The following GLI3 variants were observed in gnomAD, a reference collection of about 807,000 sequenced individuals.
GLI3 encodes GLI family zinc finger 3.
In GLI3, 20 loss-of-function variants were observed where a neutral mutation model predicts 100.8. That is an observed-to-expected ratio of 0.20 (90% confidence interval 0.14 to 0.29). The LOEUF is 0.29. Ranked by LOEUF, GLI3 falls within the 10% of genes least tolerant of loss-of-function variation. The pLI, the probability that GLI3 is intolerant of heterozygous loss-of-function variation, is 1.00. For synonymous variants in GLI3, 938 were observed against 860.5 expected (o/e 1.09, Z -1.58); for missense variants, 2,040 against 2,128.5 (o/e 0.96, Z 0.82).
intron 2 of GLI3, among the ~76,000 whole-genome samples, chr7:42,157,251 GA>G (rs1237474915): frequency 6.6e-6 from 1 of 152,182 alleles, no homozygotes; most frequent in Non-Finnish European, 1.5e-5. Context: ...GTGCATTTGA[GA>G]AACCCAAATG....
intron 3 of GLI3, among the ~76,000 whole-genome samples, chr7:42,140,411 AT>A (rs1786539113): frequency 6.6e-6 from 1 of 152,232 alleles, no homozygotes; most frequent in African/African-American, 2.4e-5. Flanking sequence ...ATCTTGCTTT[AT>A]TTTGATCTAA....
intron 13 of GLI3, among the ~76,000 whole-genome samples, chr7:41,970,829 G>T (rs76335874): frequency 0.035 from 5,306 of 152,210 alleles, 108 homozygotes; most frequent in Non-Finnish European, 0.053. Flanking sequence ...TGTTAAACAC[G>T]TGAGGATAAA....
chr7:41,978,923 G>A (rs1443980873), intron 10 of GLI3, among the ~76,000 whole-genome samples, 175 bp from the exon 11 acceptor site: 5 of 152,208 alleles, frequency 3.3e-5, no homozygotes, highest in Admixed American at 1.3e-4. Context: ...AAGTAAATTT[G>A]CTTTTGCTAA....
chr7:42,158,320 G>T (rs1787051671), intron 2 of GLI3, among the ~76,000 whole-genome samples: 1 of 151,940 alleles, frequency 6.6e-6, no homozygotes, highest in Admixed American at 6.6e-5. Context: ...ACGTCCTGAG[G>T]TTTAACAAAG....
At chr7:42,072,695 A>G (rs1178214878) in intron 4 of GLI3, among the ~76,000 whole-genome samples, 1 of 152,212 alleles carries the variant, frequency 6.6e-6, no homozygotes, top group Non-Finnish European at 1.5e-5. Context: ...GAGTTAGGGA[A>G]GGAACAGCCC....
chr7:42,005,458 TACACACACACACACACAC>T (rs3030321), intron 10 of GLI3, among the ~76,000 whole-genome samples: 2 of 143,516 alleles, frequency 1.4e-5, no homozygotes, highest in South Asian at 2.3e-4. Flanking sequence ...TGAATTCACA[TACACACACACACACACAC>T]ACACACACAC....
chr7:42,206,641 G>A (rs1432142156), intron 2 of GLI3, among the ~76,000 whole-genome samples: 2 of 152,130 alleles, frequency 1.3e-5, no homozygotes, highest in African/African-American at 4.8e-5. Flanking sequence ...TAGAAGCCAA[G>A]AGCCATTTGA....
Position 41,972,436 on chromosome 7 carries a change from C to T in GLI3, c.2004G>A (p.Pro668=), listed in dbSNP as rs867192725. 28 of 1,613,520 alleles carry T rather than the reference C, an allele frequency of 1.7e-5. No individual in the cohort carries two copies. The highest frequency in any genetic ancestry group is 8.9e-5 in the East Asian group (4 of 44,820). The stretch of plus-strand genomic sequence containing the variant: ...GCTGCTCACCAAGGGCTCCCTGAGT[C>T]GGTCGGCCAGGCGACCTGGACTGTG... ...SHSQSRSPGR[P]TQGALGEQQD... The change falls in exon 13 of 15, where the codon CCG becomes CCA. Residue 668 remains proline (P), a synonymous_variant. Transcript: ENST00000395925. This position sits in a 1 kb window ranked among gnomAD's most constrained non-coding sequence, Gnocchi z 4.4.
At chr7:42,070,193 G>C (rs1784757340) in intron 4 of GLI3, among the ~76,000 whole-genome samples, 1 of 152,162 alleles carries the variant, frequency 6.6e-6, no homozygotes. Flanking sequence ...CTGTTCTATT[G>C]TATAGTGTCA....
chr7:42,056,810 T>C (rs1447275121), intron 4 of GLI3, among the ~76,000 whole-genome samples: 1 of 150,510 alleles, frequency 6.6e-6, no homozygotes, highest in Non-Finnish European at 1.5e-5. Context: ...AATAAATAAA[T>C]AAATAAATAA....
Position 42,057,109 on chromosome 7 carries a change from C to A in GLI3, c.474-8413G>T, listed in dbSNP as rs940667247. 3.9e-5 allele frequency among the ~76,000 whole-genome samples: 6 copies of A among 152,044 alleles called. 1 individual carries two copies. The South Asian group carries it at 1.2e-3, about 31-fold the overall frequency. On this transcript the variant is annotated intron_variant, in intron 4 of 14. Coordinates refer to ENST00000395925, the MANE Select transcript of GLI3 (RefSeq NM_000168.6). ...CTCTATCCAAGCTAACCAATGTCAA[C>A]ATTTTAACATAATTACTTCCAGCAT...
chr7:42,005,609 A>T (rs929646760), intron 10 of GLI3, among the ~76,000 whole-genome samples: 1 of 151,868 alleles, frequency 6.6e-6, no homozygotes, highest in African/African-American at 2.4e-5. Flanking sequence ...GCCTCCCTAG[A>T]ATACAGCCCA....
At chr7:42,064,606 A>G (rs527314916) in intron 4 of GLI3, among the ~76,000 whole-genome samples, 2 of 152,322 alleles carry the variant, frequency 1.3e-5, no homozygotes, top group African/African-American at 4.8e-5. Flanking sequence ...TGTAACCAAC[A>G]TATTATTGGG....
intron 7 of GLI3, among the ~76,000 whole-genome samples, chr7:42,031,421 G>A (rs1789294166): frequency 6.6e-6 from 1 of 152,168 alleles, no homozygotes; most frequent in African/African-American, 2.4e-5. Context: ...CCTGAGGTGA[G>A]TAAGTGTAAT....
chr7:42,145,644 C>T, intron 3 of GLI3: 1 of 394,856 alleles, frequency 2.5e-6, no homozygotes, highest in Non-Finnish European at 4.4e-6. Flanking sequence ...AAACAGTCTA[C>T]ACTGAATCAA....
chr7:42,045,546 A>T lies in GLI3; in HGVS notation c.680-16T>A, dbSNP rs1784228537. On this transcript the variant is annotated splice_polypyrimidine_tract_variant and intron_variant, in intron 5 of 14. Transcript: ENST00000395925. ...GCATGGGGCGCTAGGAGGAGACAAGAGATGTATGGTTACTAGCGAAAGAAG... is the reference window on the plus strand; with the variant it reads ...GCATGGGGCGCTAGGAGGAGACAAGTGATGTATGGTTACTAGCGAAAGAAG... 1 of 1,613,316 alleles carries T rather than the reference A, an allele frequency of 6.2e-7. No individual in the cohort carries two copies. The highest frequency in any genetic ancestry group is 8.5e-7 in the Non-Finnish European group (1 of 1,179,682).
At chr7:42,261,222 C>CACACACACACACACAA (rs1583679901) in intron 1 of GLI3, among the ~76,000 whole-genome samples, 3 of 140,580 alleles carry the variant, frequency 2.1e-5, no homozygotes, top group Non-Finnish European at 3.1e-5. Flanking sequence ...CACACACACA[C>CACACACACACACACAA]AACACACACA....
chr7:42,072,581 A>T (rs1255264304), intron 4 of GLI3, among the ~76,000 whole-genome samples: 1 of 152,166 alleles, frequency 6.6e-6, no homozygotes. Context: ...AGTAGGCTGT[A>T]ATATACCAAT....
chr7:42,185,060 G>T (rs745460493), intron 2 of GLI3, among the ~76,000 whole-genome samples: 5 of 151,902 alleles, frequency 3.3e-5, no homozygotes, highest in Non-Finnish European at 4.4e-5. Context: ...GTGAACACTG[G>T]CTCCCATCCC....
Sources: allele counts gnomAD v4.1 joint callset (sites outside exome capture counted in the v4.1 genomes callset), GRCh38; gene constraint gnomAD v4.1.1; non-coding constraint Gnocchi (gnomAD v3.1); transcripts MANE v1.5; gene names NCBI Gene and HGNC (gene_info 2026-07-23, HGNC 2026-07-21).